TNS1: variants seen among roughly 807,000 people sequenced by gnomAD.
TNS1 encodes tensin 1, also known as tensin-1.
A neutral mutation model predicts 168.6 loss-of-function variants in TNS1; 62 were observed. That is an observed-to-expected ratio of 0.37 (90% CI 0.30 to 0.45). The LOEUF (loss-of-function observed/expected upper bound fraction) is 0.45. Among genes scored for constraint, TNS1 ranks in the 20% least tolerant of loss-of-function variants. TNS1 has a pLI of 1.00. For synonymous variants in TNS1, 934 were observed against 933.2 expected, an observed-to-expected ratio of 1.00 and a Z score of -0.02; for missense variants, 2,240 against 2,339.4, an observed-to-expected ratio of 0.96 and a Z score of 0.88.
chr2:217,849,675 AC>A, intron 18 of TNS1: 1 of 985,238 alleles, frequency 1.0e-6, no homozygotes. Flanking sequence ...AAAAAGTCTC[AC>A]CCCTGCTTCG....
intron 12 of TNS1, among the ~76,000 whole-genome samples, chr2:217,887,400 C>G (rs1233878092): frequency 6.6e-6 from 1 of 152,170 alleles, no homozygotes; most frequent in Non-Finnish European, 1.5e-5. Flanking sequence ...CCTCTGCCTC[C>G]CGGGTTCAAG....
At chr2:217,906,572 T>C (rs970300191) in intron 5 of TNS1, among the ~76,000 whole-genome samples, 187 bp from the exon 6 acceptor site, 13 of 152,204 alleles carry the variant, frequency 8.5e-5, no homozygotes, top group Admixed American at 8.5e-4. Context: ...TCCTCTCCTT[T>C]ACAACTCACA....
chr2:217,913,491 C>G (rs1037826039), intron 4 of TNS1, among the ~76,000 whole-genome samples: 2 of 152,134 alleles, frequency 1.3e-5, no homozygotes, highest in African/African-American at 4.8e-5. Flanking sequence ...CACTGGAAGG[C>G]TGTGCCCTTC....
chr2:217,858,536 G>A (rs557122007), intron 18 of TNS1: 13 of 986,176 alleles, frequency 1.3e-5, no homozygotes, highest in Middle Eastern at 5.2e-4. Context: ...AGGGAAGCCC[G>A]CTCTGATTTG....
chr2:217,820,609 C>T (rs531782444), intron 23 of TNS1, among the ~76,000 whole-genome samples: 3 of 152,228 alleles, frequency 2.0e-5, no homozygotes, highest in East Asian at 1.9e-4. Flanking sequence ...GCAGTGGGCA[C>T]GGCGAAGAAG....
At chr2:218,002,670 G>T (rs1445787837) in intron 1 of TNS1, among the ~76,000 whole-genome samples, 170 bp downstream of exon 1, 6 of 152,088 alleles carry the variant, frequency 3.9e-5, no homozygotes. Flanking sequence ...TCCGGCTGAG[G>T]GTTGCTCAAG....
chr2:217,883,420 A>T (rs192671055), intron 16 of TNS1, among the ~76,000 whole-genome samples: 50 of 152,192 alleles, frequency 3.3e-4, no homozygotes, highest in African/African-American at 1.2e-3. Flanking sequence ...ACATGCCACC[A>T]TGCCCGGCTA....
At chr2:217,936,894 T>G in intron 3 of TNS1, 1 of 455,188 alleles carries the variant, frequency 2.2e-6, no homozygotes. Flanking sequence ...ATATGAATCC[T>G]ATTTTACAGA....
chr2:217,817,825 C>CTGCCAG lies in TNS1; in HGVS notation c.4506_4507insCTGGCA (p.Ala1502_Gly1503insLeuAla), dbSNP rs750998301. The stretch of plus-strand genomic sequence containing the variant: ...ATGGTGGCATAGTTGGGGAGGCTGC[C>CTGCCAG]TGCCCGGTCTCCCACTGACATCCTT... On this transcript the variant is annotated inframe_insertion, in exon 24 of 33. Transcript: ENST00000682258. 1 of 1,614,238 alleles carries CTGCCAG rather than the reference C, an allele frequency of 6.2e-7. No individual in the cohort carries two copies. Among genetic ancestry groups the CTGCCAG allele is most frequent in the Non-Finnish European group, 8.5e-7 (1 of 1,180,034 alleles).
intron 4 of TNS1, among the ~76,000 whole-genome samples, chr2:217,919,695 G>A (rs112503798): frequency 5.9e-5 from 9 of 152,346 alleles, no homozygotes; most frequent in African/African-American, 1.2e-4. Flanking sequence ...CGGGGGTGAC[G>A]GGAAGAGGAG....
chr2:217,831,443 T>C lies in TNS1; in HGVS notation c.3373+12A>G. 1 of 1,568,708 alleles carries C rather than the reference T, an allele frequency of 6.4e-7. No individual in the cohort carries two copies. Among genetic ancestry groups the C allele is most frequent in the Non-Finnish European group, 8.6e-7 (1 of 1,156,616 alleles). ...CTGGCCCCCCTCCCCATCTTCCCTCTTCCCAACTCACCTCCTGTGGGGTGC... is the reference window on the plus strand; with the variant it reads ...CTGGCCCCCCTCCCCATCTTCCCTCCTCCCAACTCACCTCCTGTGGGGTGC... On this transcript the variant is annotated intron_variant, in intron 22 of 32. Transcript: ENST00000682258.
intron 11 of TNS1, among the ~76,000 whole-genome samples, chr2:217,891,511 T>C (rs1951744488): frequency 6.6e-6 from 1 of 152,152 alleles, no homozygotes. Context: ...CATCTTTGCT[T>C]ATCATTAAGC....
At position 217,848,206 on chromosome 2, in the gene TNS1, C is replaced by G. The variant is rs1437910056; in HGVS notation, c.2311G>C (p.Gly771Arg). The G allele has an allele frequency of 1.3e-6, 2 of 1,597,600 alleles. No homozygotes were observed. The highest frequency in any genetic ancestry group is 4.5e-5 in the East Asian group (2 of 44,816). The change falls in exon 19 of 33, where the codon GGA becomes CGA. Residue 771 changes from glycine (G) to arginine (R), a missense_variant. By Grantham distance (125) the Gly-to-Arg change is moderately radical. Coordinates refer to ENST00000682258, the MANE Select transcript of TNS1 (RefSeq NM_001387777.1). ...GGSSREAVQR[G>R]LNSWQQQQQQ... ...TGCTGCTGCTGCCACGAATTCAGTCCCCTTTGCACAGCCTCCCGGCTGCTT... is the reference window on the plus strand; with the variant it reads ...TGCTGCTGCTGCCACGAATTCAGTCGCCTTTGCACAGCCTCCCGGCTGCTT...
At position 217,920,563 on chromosome 2, in the gene TNS1, A is replaced by ATTTT. The variant is rs35026780; in HGVS notation, c.187-331_187-328dup. Reference sequence around the variant, plus strand: ...GAAGCTTCAGGTAATAAGAAGAAGGATTTTTTTTTTTTTTTTTTGCTCTAT... The same window carrying ATTTT: ...GAAGCTTCAGGTAATAAGAAGAAGGATTTTTTTTTTTTTTTTTTTTTTGCTCTAT... On this transcript the variant is annotated intron_variant, in intron 3 of 32. Transcript: ENST00000682258. Among the ~76,000 whole-genome samples, 31 of 135,918 alleles carry ATTTT rather than the reference A, an allele frequency of 2.3e-4. 1 individual carries two copies. The highest frequency in any genetic ancestry group is 7.2e-4 in the South Asian group (3 of 4,140). 89.2% of individuals were successfully genotyped at this position (135,918 alleles called of 152,430 possible).
intron 3 of TNS1, among the ~76,000 whole-genome samples, chr2:217,950,331 G>A (rs752213813): frequency 1.3e-5 from 2 of 152,172 alleles, no homozygotes; most frequent in Non-Finnish European, 2.9e-5. Flanking sequence ...CCCTTCATCT[G>A]TGAACTCCTT....
In TNS1 at chr2:217,808,106, A is replaced by T. The variant is rs1221362497; in HGVS notation, c.5344T>A (p.Trp1782Arg). The change falls in exon 32 of 33, where the codon TGG becomes AGG. Residue 1782 changes from tryptophan (W) to arginine (R), a missense_variant and splice_region_variant. Trp to Arg is a moderately radical substitution (Grantham distance 101). Around this residue, in one of 2 missense-constraint regions of TNS1, gnomAD observed 109 missense variants for 168.1 expected, o/e 0.65. Coordinates refer to ENST00000682258, the MANE Select transcript of TNS1 (RefSeq NM_001387777.1). ...GGGGCACCACCCTCTGTTTTCATCC[A>T]CCTGTGGAGAGAAAGTGGGCTCAGG... ...FCDLDPQERK[W>R]MKTEGGAPAK... is the part of the protein sequence containing the mutation. 2 of 1,612,722 alleles carry T rather than the reference A, an allele frequency of 1.2e-6. No individual in the cohort carries two copies. The highest frequency in any genetic ancestry group is 1.3e-5 in the African/African-American group (1 of 74,824).
chr2:217,805,757 ACAC>A (rs1260657831), intron 32 of TNS1, among the ~76,000 whole-genome samples: 27 of 131,284 alleles, frequency 2.1e-4, no homozygotes, highest in Non-Finnish European at 3.9e-4. Flanking sequence ...CCACACATAC[ACAC>A]CACACACCAC....
intron 18 of TNS1, among the ~76,000 whole-genome samples, chr2:217,870,099 A>C (rs1949644770): frequency 6.6e-6 from 1 of 152,224 alleles, no homozygotes; most frequent in South Asian, 2.1e-4. Flanking sequence ...TCTGAAAAAC[A>C]ATTCTGCCTT....
At chr2:218,001,937 C>A (rs1404865133) in intron 1 of TNS1, among the ~76,000 whole-genome samples, 3 of 152,202 alleles carry the variant, frequency 2.0e-5, no homozygotes, top group African/African-American at 7.2e-5. Context: ...CAGAGCCCAA[C>A]AGTAACCTCA....
Sources: gnomAD v4.1 joint callset for allele counts (sites outside exome capture counted in the v4.1 genomes callset) on GRCh38, gnomAD v4.1.1 for gene constraint, gnomAD v4.1.1 regional missense constraint, MANE v1.5 for transcripts, NCBI Gene and HGNC (gene_info 2026-07-23, HGNC 2026-07-21) for gene names.